The following WWP2 variants were observed in gnomAD, a reference collection of about 807,000 sequenced individuals.
The protein encoded by WWP2 is WW domain containing E3 ubiquitin protein ligase 2.
In WWP2, 57 loss-of-function variants were observed where a neutral mutation model predicts 121.0. That is an observed-to-expected ratio of 0.47 (90% CI 0.38 to 0.59). WWP2 has a LOEUF of 0.59. WWP2 is among the 20% of genes least tolerant of loss of function. The pLI is 0.00. For synonymous variants in WWP2, 449 were observed against 441.3 expected (o/e 1.02, Z -0.22); for missense variants, 962 against 1,158.9 (o/e 0.83, Z 2.47).
At chr16:69,914,279 C>A (rs2058446875) in intron 9 of WWP2, among the ~76,000 whole-genome samples, 1 of 151,998 alleles carries the variant, frequency 6.6e-6, no homozygotes, top group Middle Eastern at 3.4e-3. Flanking sequence ...AAACAGCTCA[C>A]CACACGCCTA....
intron 4 of WWP2, among the ~76,000 whole-genome samples, chr16:69,822,103 G>A (rs1296312809): frequency 6.6e-6 from 1 of 152,108 alleles, no homozygotes; most frequent in African/African-American, 2.4e-5. Context: ...GTGGGCTCAA[G>A]CGATCCTTCC....
chr16:69,816,593 C>T (rs1170846503), intron 4 of WWP2, among the ~76,000 whole-genome samples: 1 of 151,384 alleles, frequency 6.6e-6, no homozygotes, highest in Non-Finnish European at 1.5e-5. Context: ...TAGTATTTTT[C>T]TGATTATTAT....
intron 7 of WWP2, among the ~76,000 whole-genome samples, chr16:69,878,406 G>C (rs1205833925): frequency 2.0e-5 from 3 of 152,210 alleles, no homozygotes; most frequent in Non-Finnish European, 4.4e-5. Flanking sequence ...AGGTATGCCT[G>C]TATATAAAAC....
intron 8 of WWP2, among the ~76,000 whole-genome samples, chr16:69,907,321 A>C (rs1415208138): frequency 6.6e-6 from 1 of 152,190 alleles, no homozygotes. Context: ...CTCACAGACA[A>C]AATCACGCAT....
At chr16:69,783,934 G>A (rs560566511) in intron 1 of WWP2, among the ~76,000 whole-genome samples, 67 of 152,062 alleles carry the variant, frequency 4.4e-4, no homozygotes, top group Non-Finnish European at 6.6e-4. Context: ...CGGCATGGGC[G>A]ACAGAGTGAG....
At chr16:69,805,034 G>A (rs1300151974) in intron 4 of WWP2, among the ~76,000 whole-genome samples, 1 of 150,926 alleles carries the variant, frequency 6.6e-6, no homozygotes, top group African/African-American at 2.4e-5. Flanking sequence ...TTTTGAGTTT[G>A]CTTGGTAGAC....
At chr16:69,797,844 T>C (rs62050042) in intron 2 of WWP2, among the ~76,000 whole-genome samples, 137,627 of 151,894 alleles carry the variant, frequency 0.91, 62,583 homozygotes, top group Admixed American at 0.95. Context: ...GCCGAGATTG[T>C]GGCATTACAC....
intron 1 of WWP2, among the ~76,000 whole-genome samples, chr16:69,762,937 T>C (rs768461489): frequency 1.1e-3 from 161 of 152,274 alleles, no homozygotes; most frequent in Non-Finnish European, 2.2e-3. Flanking sequence ...ATCTTGATCG[T>C]CTTGCTTCCC....
chr16:69,925,194 A>C lies in WWP2; in HGVS notation c.1180-236A>C, dbSNP rs1181310533. On this transcript the variant is annotated intron_variant, in intron 10 of 23. Coordinates refer to ENST00000359154, the MANE Select transcript of WWP2 (RefSeq NM_001270454.2). The surrounding 1 kb of genome is among the most constrained non-coding windows in gnomAD (Gnocchi z 4.0). Reference sequence around the variant, plus strand: ...TCCTCCCCGTCGCTCTGCCTTTTCCAAAACTCACTTGGGCCCTCCGTGCGC... The same window carrying C: ...TCCTCCCCGTCGCTCTGCCTTTTCCCAAACTCACTTGGGCCCTCCGTGCGC... 1.5e-6 allele frequency: 2 copies of C among 1,349,520 alleles called. No homozygotes were observed. Among genetic ancestry groups the C allele is most frequent in the African/African-American group, 1.5e-5 (1 of 67,856 alleles). The allele number at this position is 1,349,520 out of a possible 1,614,324, so 83.6% of individuals were successfully genotyped here.
chr16:69,939,250 G>C, intron 22 of WWP2, 91 bp from the exon 23 acceptor site: 2 of 1,573,632 alleles, frequency 1.3e-6, no homozygotes, highest in Non-Finnish European at 1.7e-6. Flanking sequence ...CTGCATCCTG[G>C]GGCCGAGCCC....
rs781724437 is a variant in WWP2 at position 69,871,852 on chromosome 16, C to T, written c.624C>T (p.Gly208=). ...CAGCCAGAACAACCCCAGCAACCGG[C>T]GAGCAAAGCCCCGGTGCTCGGAGCC... ...GASARTTPAT[G]EQSPGARSRH... The change falls in exon 7 of 24, where the codon GGC becomes GGT. Residue 208 remains glycine (G), a synonymous_variant. Coordinates refer to ENST00000359154, the MANE Select transcript of WWP2 (RefSeq NM_001270454.2). 50 of 1,614,020 alleles carry T rather than the reference C, an allele frequency of 3.1e-5. No homozygotes were observed. The highest frequency in any genetic ancestry group is 6.7e-5 in the East Asian group (3 of 44,900).
At chr16:69,813,316 C>T (rs2056430441) in intron 4 of WWP2, among the ~76,000 whole-genome samples, 1 of 152,144 alleles carries the variant, frequency 6.6e-6, no homozygotes, top group Non-Finnish European at 1.5e-5. Context: ...GCATGTGCCA[C>T]CACACCCAGC....
At chr16:69,917,531 T>C (rs543288457) in intron 9 of WWP2, 178 bp from the exon 10 acceptor site, 2 of 578,502 alleles carry the variant, frequency 3.5e-6, no homozygotes, top group East Asian at 6.0e-5. Flanking sequence ...TGAGAGCTAA[T>C]GGCAAGGAGG....
intron 4 of WWP2, among the ~76,000 whole-genome samples, chr16:69,811,761 TAA>T (rs1206122548): frequency 6.6e-6 from 1 of 151,970 alleles, no homozygotes; most frequent in Non-Finnish European, 1.5e-5. Flanking sequence ...CTCAAAAAAA[TAA>T]AAGATTCAAA....
At chr16:69,897,664 C>T (rs1567415315) in intron 8 of WWP2, among the ~76,000 whole-genome samples, 1 of 152,034 alleles carries the variant, frequency 6.6e-6, no homozygotes, top group Admixed American at 6.6e-5. Context: ...AATCCCAGCA[C>T]TTTGGGAGGC....
At chr16:69,875,165 T>C (rs2057714079) in intron 7 of WWP2, among the ~76,000 whole-genome samples, 1 of 152,216 alleles carries the variant, frequency 6.6e-6, no homozygotes. Context: ...TCACATGAAT[T>C]TTTTGGTTTC....
chr16:69,925,600 T>C lies in WWP2; in HGVS notation c.1234+116T>C. 1 of 1,335,122 alleles carries C rather than the reference T, an allele frequency of 7.5e-7. No individual in the cohort carries two copies. Among genetic ancestry groups the C allele is most frequent in the Non-Finnish European group, 1.0e-6 (1 of 979,072 alleles). The allele number at this position is 1,335,122 out of a possible 1,614,324, so 82.7% of individuals were successfully genotyped here. Reference sequence around the variant, plus strand: ...GTCCCTCTGTTTTCCATCTCTCCCCTCTCCAGCACACTCTCTGGGCATGCC... The same window carrying C: ...GTCCCTCTGTTTTCCATCTCTCCCCCCTCCAGCACACTCTCTGGGCATGCC... On this transcript the variant is annotated intron_variant, in intron 11 of 23. Coordinates refer to ENST00000359154, the MANE Select transcript of WWP2 (RefSeq NM_001270454.2). This position sits in a 1 kb window ranked among gnomAD's most constrained non-coding sequence, Gnocchi z 4.0.
At chr16:69,830,024 G>A (rs2056766311) in intron 4 of WWP2, among the ~76,000 whole-genome samples, 1 of 150,734 alleles carries the variant, frequency 6.6e-6, no homozygotes, top group South Asian at 2.1e-4. Flanking sequence ...GCGCGATGTT[G>A]GGTCATTGCA....
At chr16:69,821,932 CAT>C (rs2056600637) in intron 4 of WWP2, among the ~76,000 whole-genome samples, 1 of 151,908 alleles carries the variant, frequency 6.6e-6, no homozygotes, top group Non-Finnish European at 1.5e-5. Context: ...CGTGCAGTGC[CAT>C]CATAGCTCAG....
Sources: gnomAD v4.1 joint callset for allele counts (sites outside exome capture counted in the v4.1 genomes callset) on GRCh38, gnomAD v4.1.1 for gene constraint, Gnocchi (gnomAD v3.1) non-coding constraint, MANE v1.5 for transcripts, NCBI Gene and HGNC (gene_info 2026-07-23, HGNC 2026-07-21) for gene names.